Variants in ULK4 observed in about 807,000 individuals in gnomAD.
ULK4 encodes the protein unc-51 like kinase 4, also known as inactive serine/threonine-protein kinase ULK4.
ULK4 carries 133 observed loss-of-function variants against 160.6 expected under a neutral mutation model. The ratio of observed to expected loss-of-function variants is 0.83; its 90% CI spans 0.72 to 0.96. ULK4 has a LOEUF of 0.96. Ranked by LOEUF, ULK4 falls within the 40% of genes least tolerant of loss-of-function variation. ULK4 has a pLI of 0.00. For synonymous variants in ULK4, 534 were observed against 539.8 expected (o/e 0.99, Z 0.15); for missense variants, 1,580 against 1,499.5 (o/e 1.05, Z -0.89).
intron 35 of ULK4, among the ~76,000 whole-genome samples, chr3:41,297,390 G>A (rs998927498): frequency 6.6e-6 from 1 of 152,240 alleles, no homozygotes; most frequent in Non-Finnish European, 1.5e-5. Context: ...AATGCTCCAT[G>A]TGAGGATCCC....
At chr3:41,469,626 A>C (rs1036414922) in intron 32 of ULK4, among the ~76,000 whole-genome samples, 1 of 147,324 alleles carries the variant, frequency 6.8e-6, no homozygotes, top group Non-Finnish European at 1.5e-5. Flanking sequence ...AAAAAAAAAA[A>C]ACACCTTAAA....
chr3:41,918,592 ATTC>A (rs751971983), intron 6 of ULK4, 52 bp from the exon 7 acceptor site: 70 of 637,272 alleles, frequency 1.1e-4, no homozygotes, highest in South Asian at 1.8e-4. Flanking sequence ...ATCACCAATA[ATTC>A]TTTTTTTTTT....
At chr3:41,639,649 AC>A (rs1407556345) in intron 30 of ULK4, among the ~76,000 whole-genome samples, 1 of 152,040 alleles carries the variant, frequency 6.6e-6, no homozygotes, top group Non-Finnish European at 1.5e-5. Context: ...AATCACTTAA[AC>A]CTGGGAGGCG....
chr3:41,893,797 T>C (rs1243710792), intron 16 of ULK4, among the ~76,000 whole-genome samples: 4 of 152,150 alleles, frequency 2.6e-5, no homozygotes, highest in Non-Finnish European at 4.4e-5. Context: ...AATTATATCA[T>C]GTGATTCTAA....
At chr3:41,607,718 T>A (rs183633455) in intron 31 of ULK4, among the ~76,000 whole-genome samples, 1 of 152,226 alleles carries the variant, frequency 6.6e-6, no homozygotes, top group African/African-American at 2.4e-5. Context: ...CAGTGGAGAC[T>A]GGCTAAACAA....
At chr3:41,771,787 C>T (rs991415377) in intron 21 of ULK4, among the ~76,000 whole-genome samples, 2 of 152,146 alleles carry the variant, frequency 1.3e-5, no homozygotes, top group Non-Finnish European at 2.9e-5. Flanking sequence ...AACTCAAGTA[C>T]ATATATAATA....
chr3:41,539,207 T>C (rs2086615566), intron 32 of ULK4, among the ~76,000 whole-genome samples: 1 of 152,160 alleles, frequency 6.6e-6, no homozygotes, highest in Admixed American at 6.6e-5. Flanking sequence ...TTTTAAGCTT[T>C]GTGTGCCATG....
chr3:41,513,002 GCTAA>G (rs35619106), intron 32 of ULK4, among the ~76,000 whole-genome samples: 127,195 of 151,644 alleles, frequency 0.84, 54,665 homozygotes, highest in Non-Finnish European at 0.94. Context: ...TTACTAATCA[GCTAA>G]CTGATTTTGG....
intron 32 of ULK4, among the ~76,000 whole-genome samples, chr3:41,554,661 C>T (rs895070189): frequency 6.6e-6 from 1 of 151,892 alleles, no homozygotes; most frequent in African/African-American, 2.4e-5. Flanking sequence ...ATGGTGCCTA[C>T]AGTTAACAAC....
intron 17 of ULK4, among the ~76,000 whole-genome samples, chr3:41,840,201 G>A (rs2041868568): frequency 1.3e-5 from 2 of 152,182 alleles, no homozygotes; most frequent in Non-Finnish European, 2.9e-5. Context: ...GGCCAATACG[G>A]GAGGATGGCT....
chr3:41,907,343 C>A (rs533808102), intron 12 of ULK4, among the ~76,000 whole-genome samples: 1 of 151,798 alleles, frequency 6.6e-6, no homozygotes, highest in Non-Finnish European at 1.5e-5. Flanking sequence ...GTCACCCAGG[C>A]TGGAGTGCGG....
At chr3:41,771,349 T>A (rs1485265298) in intron 21 of ULK4, among the ~76,000 whole-genome samples, 3 of 152,050 alleles carry the variant, frequency 2.0e-5, no homozygotes, top group Admixed American at 6.6e-5. Context: ...TAGGATGAAA[T>A]AAGAAAGAAT....
At chr3:41,936,567 A>G (rs1000928470) in intron 3 of ULK4, among the ~76,000 whole-genome samples, 1 of 152,176 alleles carries the variant, frequency 6.6e-6, no homozygotes, top group African/African-American at 2.4e-5. Flanking sequence ...ACATATACAC[A>G]ATGGAGTACT....
chr3:41,547,063 C>A (rs1349932926), intron 32 of ULK4, among the ~76,000 whole-genome samples: 1 of 152,146 alleles, frequency 6.6e-6, no homozygotes, highest in African/African-American at 2.4e-5. Context: ...AGTGGGAGGG[C>A]ATGTTACTAC....
intron 34 of ULK4, among the ~76,000 whole-genome samples, chr3:41,437,464 G>T (rs2083061418): frequency 6.6e-6 from 1 of 152,156 alleles, no homozygotes; most frequent in African/African-American, 2.4e-5. Context: ...AAAATGTTGG[G>T]TATCTCTGGT....
intron 5 of ULK4, among the ~76,000 whole-genome samples, chr3:41,922,536 G>C (rs1300069411): frequency 6.7e-6 from 1 of 150,044 alleles, no homozygotes; most frequent in Non-Finnish European, 1.5e-5. Flanking sequence ...ATGGGTGTGA[G>C]CAGCTACACA....
intron 32 of ULK4, among the ~76,000 whole-genome samples, chr3:41,529,038 G>A (rs960840457): frequency 6.6e-6 from 1 of 152,216 alleles, no homozygotes; most frequent in African/African-American, 2.4e-5. Flanking sequence ...TTATCTTTAA[G>A]TATTAGCTTA....
chr3:41,752,537 A>T (rs2038665424), intron 22 of ULK4, among the ~76,000 whole-genome samples: 1 of 152,208 alleles, frequency 6.6e-6, no homozygotes, highest in South Asian at 2.1e-4. Flanking sequence ...ACACCCCTCA[A>T]TTGGAAGTGA....
chr3:41,398,423 GC>G (rs2082111709), intron 34 of ULK4, among the ~76,000 whole-genome samples, 159 bp from the exon 35 acceptor site: 1 of 149,956 alleles, frequency 6.7e-6, no homozygotes, highest in Non-Finnish European at 1.5e-5. Flanking sequence ...CCACTCTGTT[GC>G]CCAGGCTGGA....
Sources: gnomAD v4.1 joint callset for allele counts (sites outside exome capture counted in the v4.1 genomes callset) on GRCh38, gnomAD v4.1.1 for gene constraint, MANE v1.5 for transcripts, NCBI Gene and HGNC (gene_info 2026-07-23, HGNC 2026-07-21) for gene names.